Variants in ATP6V1H observed in about 807,000 individuals in gnomAD.
The protein encoded by ATP6V1H is V-type proton ATPase subunit H.
A neutral mutation model predicts 71.7 loss-of-function variants in ATP6V1H; 39 were observed. That is an observed-to-expected ratio of 0.54 (90% confidence interval 0.42 to 0.71). The LOEUF (loss-of-function observed/expected upper bound fraction) is 0.71, where lower values mean the gene tolerates loss of function less well. ATP6V1H is among the 30% of genes least tolerant of loss of function. ATP6V1H has a pLI of 0.00. For missense variants in ATP6V1H, 509 were observed against 594.9 expected (o/e 0.86, Z 1.50); for synonymous variants, 192 against 199.3 (o/e 0.96, Z 0.31).
intron 3 of ATP6V1H, chr8:53,832,495 T>C (rs989204358): frequency 6.6e-6 from 1 of 152,026 alleles, no homozygotes; most frequent in South Asian, 2.1e-4. Flanking sequence ...AAATTTTGTA[T>C]GTAAAAAGAC....
chr8:53,831,390 G>A (rs975727207), intron 3 of ATP6V1H, among the ~76,000 whole-genome samples: 5 of 152,126 alleles, frequency 3.3e-5, no homozygotes, highest in African/African-American at 4.8e-5. Flanking sequence ...CATAGAAAAC[G>A]TGCAGTAAAA....
At chr8:53,814,211 A>G (rs781658120) in intron 6 of ATP6V1H, among the ~76,000 whole-genome samples, 2 of 152,140 alleles carry the variant, frequency 1.3e-5, no homozygotes, top group African/African-American at 2.4e-5. Context: ...TTCTCGCACA[A>G]ATCTTGGTGG....
At chr8:53,794,939 T>C (rs186781979) in intron 9 of ATP6V1H, among the ~76,000 whole-genome samples, 1 of 152,328 alleles carries the variant, frequency 6.6e-6, no homozygotes, top group Admixed American at 6.5e-5. Flanking sequence ...ATGGGACATG[T>C]CCACTATTAC....
chr8:53,826,966 C>G (rs1022605645), intron 4 of ATP6V1H, among the ~76,000 whole-genome samples: 33 of 148,634 alleles, frequency 2.2e-4, no homozygotes, highest in Non-Finnish European at 3.6e-4. Context: ...AAAAAAAAAA[C>G]TATGATATTG....
intron 9 of ATP6V1H, among the ~76,000 whole-genome samples, chr8:53,782,565 C>A (rs1809192804): frequency 6.6e-6 from 1 of 152,136 alleles, no homozygotes; most frequent in Non-Finnish European, 1.5e-5. Flanking sequence ...CTGGCCATAA[C>A]TTCCAACACT....
chr8:53,804,831 C>T (rs978681570), intron 7 of ATP6V1H, among the ~76,000 whole-genome samples: 3 of 152,166 alleles, frequency 2.0e-5, no homozygotes, highest in Non-Finnish European at 4.4e-5. Context: ...CAGAGAAAAA[C>T]ACTATTTTCA....
chr8:53,810,506 C>T (rs1315628509), intron 7 of ATP6V1H, among the ~76,000 whole-genome samples: 1 of 152,138 alleles, frequency 6.6e-6, no homozygotes, highest in Non-Finnish European at 1.5e-5. Flanking sequence ...CTTTGGGAGG[C>T]CAAGGCAGGC....
intron 10 of ATP6V1H, 94 bp downstream of exon 10, chr8:53,771,895 T>C: frequency 1.8e-6 from 2 of 1,105,864 alleles, no homozygotes; most frequent in Non-Finnish European, 2.6e-6. Flanking sequence ...TTGATTTGTA[T>C]AGGTGACAAC....
rs1276189944 is a variant in ATP6V1H at position 53,715,998 on chromosome 8, G to A, written c.1418C>T (p.Ser473Phe). Residue 473 changes from serine (S) to phenylalanine (F), a missense_variant, in exon 14 of 14, where the codon TCC (serine) becomes TTC (phenylalanine). Ser to Phe is a radical substitution (Grantham distance 155, BLOSUM62 -2). Transcript: ENST00000359530. ...GGCGGCAGCGGTCTGGGGCTGCTCG[G>A]ACTGGAGCTGCTTGCCAAGGTATTC... is the stretch of plus-strand genomic sequence containing the variant. ...NWEYLGKQLQ[S>F]EQPQTAAARS The A allele has an allele frequency of 1.2e-6, 2 of 1,607,398 alleles. No homozygotes were observed. The highest frequency in any genetic ancestry group is 1.1e-5 in the South Asian group (1 of 88,860).
rs1439159530 is a variant in ATP6V1H at position 53,795,689 on chromosome 8, A to T, written c.828T>A (p.Ser276=). Residue 276 remains serine (S), a synonymous_variant, in exon 9 of 14, where the codon TCT becomes TCA. Coordinates refer to ENST00000359530, the MANE Select transcript of ATP6V1H (RefSeq NM_015941.4). ...TGATTCTTGTTACTTTCTCTTTGAC[A>T]GACTCCTGAAGGATATCAGACAGAA... ...IPVLSDILQE[S]VKEKVTRIIL... 3 of 1,613,250 alleles carry T rather than the reference A, an allele frequency of 1.9e-6. No homozygotes were observed. In the East Asian group the frequency reaches 6.7e-5, roughly 36 times the overall value.
At chr8:53,775,029 G>A (rs1048161748) in intron 9 of ATP6V1H, among the ~76,000 whole-genome samples, 9 of 152,240 alleles carry the variant, frequency 5.9e-5, no homozygotes, top group African/African-American at 1.4e-4. Flanking sequence ...GGACCCTCGC[G>A]GTGTTACAGT....
At chr8:53,761,518 A>G (rs565946205) in intron 11 of ATP6V1H, among the ~76,000 whole-genome samples, 1 of 152,246 alleles carries the variant, frequency 6.6e-6, no homozygotes, top group South Asian at 2.1e-4. Flanking sequence ...AGATATGCAT[A>G]ATGCTTTTGT....
Position 53,841,561 on chromosome 8 carries a change from A to G in ATP6V1H, c.113+17T>C. ...AAGCATATGACTGTCCATGATTCAC[A>G]GCAAATTGGTACTTACTGAAGATAG... On this transcript the variant is annotated intron_variant, in intron 2 of 13. Coordinates refer to ENST00000359530, the MANE Select transcript of ATP6V1H (RefSeq NM_015941.4). The G allele has an allele frequency of 6.2e-7, 1 of 1,613,442 alleles. No individual in the cohort carries two copies. The highest frequency in any genetic ancestry group is 8.5e-7 in the Non-Finnish European group (1 of 1,179,470).
At chr8:53,821,971 G>A (rs1176414853) in intron 4 of ATP6V1H, among the ~76,000 whole-genome samples, 1 of 152,050 alleles carries the variant, frequency 6.6e-6, no homozygotes, top group Admixed American at 6.6e-5. Flanking sequence ...CCAAAACTGA[G>A]AAATCTGCCC....
At chr8:53,821,002 G>C (rs1219596682) in intron 4 of ATP6V1H, among the ~76,000 whole-genome samples, 1 of 130,772 alleles carries the variant, frequency 7.6e-6, no homozygotes, top group South Asian at 2.4e-4. Flanking sequence ...AAAAGAAAAA[G>C]AAAAAAGAAA....
chr8:53,818,633 A>G (rs1810531926), intron 4 of ATP6V1H, among the ~76,000 whole-genome samples: 1 of 152,170 alleles, frequency 6.6e-6, no homozygotes, highest in Non-Finnish European at 1.5e-5. Context: ...CTTTAAGAGA[A>G]TAAGGATAAA....
intron 3 of ATP6V1H, chr8:53,832,204 A>G (rs1811031264): frequency 1.3e-5 from 2 of 152,242 alleles, no homozygotes; most frequent in Admixed American, 6.5e-5. Flanking sequence ...ATTTGTAGAA[A>G]TAAGTGTATA....
intron 12 of ATP6V1H, among the ~76,000 whole-genome samples, chr8:53,748,081 C>T (rs1403059787): frequency 6.6e-6 from 1 of 151,660 alleles, no homozygotes; most frequent in Admixed American, 6.6e-5. Flanking sequence ...CCGCTTGAAC[C>T]GAGGAGGTGG....
chr8:53,751,681 T>C (rs1308150365), intron 12 of ATP6V1H, among the ~76,000 whole-genome samples: 1 of 151,936 alleles, frequency 6.6e-6, no homozygotes, highest in Non-Finnish European at 1.5e-5. Flanking sequence ...TTCTTTTTTT[T>C]TTTTTCGAGA....
Sources: gnomAD v4.1 joint callset for allele counts (sites outside exome capture counted in the v4.1 genomes callset) on GRCh38, gnomAD v4.1.1 for gene constraint, MANE v1.5 for transcripts, NCBI Gene and HGNC (gene_info 2026-07-23, HGNC 2026-07-21) for gene names.